The following APOOL variants were observed in gnomAD, a reference collection of about 807,000 sequenced individuals.
The protein encoded by APOOL is MICOS complex subunit MIC27.
In APOOL, 12 loss-of-function variants were observed where a neutral mutation model predicts 23.1. The ratio of observed to expected loss-of-function variants is 0.52; its 90% CI spans 0.33 to 0.84. The LOEUF (loss-of-function observed/expected upper bound fraction) is 0.84, where lower values mean the gene tolerates loss of function less well. Among genes scored for constraint, APOOL ranks in the 40% least tolerant of loss-of-function variants. APOOL has a pLI of 0.02. For missense variants in APOOL, 212 were observed against 199.6 expected, an observed-to-expected ratio of 1.06 and a Z score of -0.37; for synonymous variants, 77 against 69.9, an observed-to-expected ratio of 1.10 and a Z score of -0.51.
intron 1 of APOOL, among the ~76,000 whole-genome samples, chrX:85,035,942 AATAGTTT>A (rs1370134013): frequency 1.8e-5 from 2 of 111,977 alleles, no homozygotes; most frequent in African/African-American, 6.5e-5. Flanking sequence ...TTTTACTTAG[AATAGTTT>A]TGGCTATTTG....
intron 1 of APOOL, among the ~76,000 whole-genome samples, chrX:85,040,718 A>AT (rs1457010675): frequency 9.0e-6 from 1 of 111,384 alleles, no homozygotes; most frequent in Non-Finnish European, 1.9e-5. Context: ...TTTACAGTAC[A>AT]TTTTTTCGGT....
chrX:85,042,643 A>G (rs1407087829), intron 1 of APOOL, among the ~76,000 whole-genome samples: 1 of 112,154 alleles, frequency 8.9e-6, no homozygotes, highest in Non-Finnish European at 1.9e-5. Context: ...AAAGAAAACT[A>G]TAGACCAATA....
At position 85,090,255 on chromosome X, in the gene APOOL, T is replaced by G. The variant is rs1458336895; in HGVS notation, c.*2577T>G. On this transcript the variant is annotated 3_prime_UTR_variant, in exon 9 of 9. Transcript: ENST00000373173. The stretch of plus-strand genomic sequence containing the variant: ...TTAGAATCTCCTCAGAAGACCTCTG[T>G]GTATATCTCAACCAGTACTTGTCAT... 9.0e-6 allele frequency: 1 copy of G among 111,616 alleles called. No homozygotes were observed. The highest frequency in any genetic ancestry group is 1.9e-5 in the Non-Finnish European group (1 of 53,180). The allele number at this position is 111,616 out of a possible 1,213,427, so 9.2% of individuals were successfully genotyped here.
At chrX:85,038,536 T>G (rs1160736532) in intron 1 of APOOL, among the ~76,000 whole-genome samples, 1 of 101,599 alleles carries the variant, frequency 9.8e-6, no homozygotes, top group Non-Finnish European at 2.0e-5. Context: ...TTTTTTTTTT[T>G]TTTTTTTTTT....
intron 1 of APOOL, among the ~76,000 whole-genome samples, chrX:85,011,012 T>A (rs1912531254): frequency 8.9e-6 from 1 of 111,984 alleles, no homozygotes; most frequent in Non-Finnish European, 1.9e-5. Flanking sequence ...ACATCTATTA[T>A]TTTTTTATTT....
Position 85,088,121 on chromosome X carries a change from A to ATACATATTTATACATATATATGT in APOOL, c.*443_*444insTACATATTTATACATATATATGT, listed in dbSNP as rs1924397991. ...ATACATATTTATACATATATGTATA[A>ATACATATTTATACATATATATGT]ATACATACATATTTATACATATATG... On this transcript the variant is annotated 3_prime_UTR_variant, in exon 9 of 9. Transcript: ENST00000373173. 6.9e-5 allele frequency: 1 copy of ATACATATTTATACATATATATGT among 14,529 alleles called. No homozygotes were observed. 1.2% of individuals were successfully genotyped at this position (14,529 alleles called of 1,213,427 possible).
chrX:85,048,945 T>G (rs1487770904), intron 2 of APOOL, among the ~76,000 whole-genome samples: 1 of 111,185 alleles, frequency 9.0e-6, no homozygotes, highest in East Asian at 2.8e-4. Context: ...AGTATTCAGA[T>G]CAGTAAAATG....
chrX:85,053,451 C>T (rs774950518), intron 3 of APOOL, among the ~76,000 whole-genome samples: 1 of 111,483 alleles, frequency 9.0e-6, no homozygotes, highest in South Asian at 3.7e-4. Flanking sequence ...ATCTCTATAA[C>T]AAAAACTTAT....
chrX:85,072,555 G>A (rs1441328408), intron 6 of APOOL, among the ~76,000 whole-genome samples: 2 of 110,767 alleles, frequency 1.8e-5, no homozygotes, highest in Non-Finnish European at 3.8e-5. Flanking sequence ...TTTCATCATT[G>A]CTTATACTTG....
At chrX:85,033,606 A>C (rs1220357856) in intron 1 of APOOL, among the ~76,000 whole-genome samples, 1 of 112,067 alleles carries the variant, frequency 8.9e-6, no homozygotes, top group African/African-American at 3.2e-5. Flanking sequence ...AATTTTAGCC[A>C]AAAGCATCTT....
Position 85,063,992 on chromosome X carries a change from A to G in APOOL, c.395-3135A>G, listed in dbSNP as rs746096328. ...TATCTCTGGTAGAATTCAGCTGTAA[A>G]TGCATCTGGTCCTGAGCTTTTTTTG... On this transcript the variant is annotated intron_variant, in intron 5 of 8. Coordinates refer to ENST00000373173, the MANE Select transcript of APOOL (RefSeq NM_198450.6). Among the ~76,000 whole-genome samples, 266 of 111,003 alleles carry G rather than the reference A, an allele frequency of 2.4e-3. 2 individuals are homozygous for G. Among genetic ancestry groups the G allele is most frequent in the Middle Eastern group, 0.014 (3 of 218 alleles).
intron 8 of APOOL, among the ~76,000 whole-genome samples, chrX:85,083,297 T>C (rs1174650495): frequency 9.0e-6 from 1 of 111,314 alleles, no homozygotes; most frequent in East Asian, 2.8e-4. Context: ...ATGACCTAAA[T>C]ATTGAAGTTA....
At chrX:85,026,665 A>G (rs1921855099) in intron 1 of APOOL, among the ~76,000 whole-genome samples, 1 of 111,775 alleles carries the variant, frequency 8.9e-6, no homozygotes, top group East Asian at 2.8e-4. Context: ...TTTCTACCAG[A>G]TAGGCTAGGT....
At chrX:85,052,651 T>C (rs1319874471) in intron 3 of APOOL, among the ~76,000 whole-genome samples, 1 of 112,056 alleles carries the variant, frequency 8.9e-6, no homozygotes, top group African/African-American at 3.2e-5. Flanking sequence ...ATCTGATAAG[T>C]ACATGATGTT....
chrX:85,010,775 T>G (rs1223407866), intron 1 of APOOL, among the ~76,000 whole-genome samples: 1 of 112,272 alleles, frequency 8.9e-6, no homozygotes, highest in Non-Finnish European at 1.9e-5. Context: ...GGTTACATAT[T>G]TTCACAATTG....
intron 1 of APOOL, among the ~76,000 whole-genome samples, chrX:85,021,764 A>G (rs749140904): frequency 7.1e-5 from 8 of 112,344 alleles, no homozygotes; most frequent in Non-Finnish European, 9.4e-5. Context: ...ATCAGAGCAC[A>G]AATAAATGAA....
At position 85,067,055 on chromosome X, in the gene APOOL, C is replaced by G. The variant is rs1190117785; in HGVS notation, c.395-72C>G. The G allele has an allele frequency of 9.2e-6, 6 of 653,898 alleles. No individual in the cohort carries two copies. The African/African-American group carries it at 1.1e-4, about 12-fold the overall frequency. The allele number at this position is 653,898 out of a possible 1,213,427, so 53.9% of individuals were successfully genotyped here. A position where few individuals can be genotyped will look rare whatever the true frequency, so the allele number is the denominator to read the frequency against. ...TGGCTTACCAGGAGAGCAAAGAAAG[C>G]ATTACGGTATAAGAACATCAAGTCT... On this transcript the variant is annotated intron_variant, in intron 5 of 8. Coordinates refer to ENST00000373173, the MANE Select transcript of APOOL (RefSeq NM_198450.6).
chrX:85,036,793 C>T (rs1032410238), intron 1 of APOOL, among the ~76,000 whole-genome samples: 3 of 110,677 alleles, frequency 2.7e-5, no homozygotes, highest in Non-Finnish European at 3.8e-5. Context: ...TTGGTGTACA[C>T]GTCACCTGAG....
At chrX:85,005,238 G>C (rs1234485079) in intron 1 of APOOL, among the ~76,000 whole-genome samples, 1 of 110,497 alleles carries the variant, frequency 9.1e-6, no homozygotes, top group Admixed American at 9.6e-5. Context: ...CCACCTCCCG[G>C]GTTCAGGCGA....
Sources: gnomAD v4.1 joint callset for allele counts (sites outside exome capture counted in the v4.1 genomes callset) on GRCh38, gnomAD v4.1.1 for gene constraint, MANE v1.5 for transcripts, NCBI Gene and HGNC (gene_info 2026-07-23, HGNC 2026-07-21) for gene names.